The following SFRP1 variants were observed in gnomAD, a reference collection of about 807,000 sequenced individuals.
SFRP1 encodes the protein secreted frizzled-related protein 1.
SFRP1 carries 9 observed loss-of-function variants against 25.9 expected under a neutral mutation model. That is an observed-to-expected ratio of 0.35 (90% CI 0.21 to 0.61). The LOEUF (loss-of-function observed/expected upper bound fraction) is 0.61, where lower values mean the gene tolerates loss of function less well. Ranked by LOEUF, SFRP1 falls within the 20% of genes least tolerant of loss-of-function variation. The pLI is 0.78. For missense variants in SFRP1, 346 were observed against 418.2 expected, an observed-to-expected ratio of 0.83 and a Z score of 1.51; for synonymous variants, 178 against 174.0, an observed-to-expected ratio of 1.02 and a Z score of -0.18.
chr8:41,265,042 A>G lies in SFRP1; in HGVS notation c.*125T>C. On this transcript the variant is annotated 3_prime_UTR_variant, in exon 3 of 3. Coordinates refer to ENST00000220772, the MANE Select transcript of SFRP1 (RefSeq NM_003012.5). ...GCGGGAATGCTGCAAGAACAAGCCG[A>G]CTGGATTACAATGTCCACTACTGAC... is the stretch of plus-strand genomic sequence containing the variant. 1.5e-6 allele frequency: 1 copy of G among 675,240 alleles called. No individual in the cohort carries two copies. Among genetic ancestry groups the G allele is most frequent in the Non-Finnish European group, 2.5e-6 (1 of 404,144 alleles). The allele number at this position is 675,240 out of a possible 1,614,324, so 41.8% of individuals were successfully genotyped here. A position where few individuals can be genotyped will look rare whatever the true frequency, so the allele number is the denominator to read the frequency against.
Position 41,265,112 on chromosome 8 carries a change from T to TCCCCCCCCCAC in SFRP1, c.*54_*55insGTGGGGGGGGG. ...GACCCACCGGGTTCCCGGGGCACTG[T>TCCCCCCCCCAC]CCCCCCCGCTCCCACCCCACCCGAG... On this transcript the variant is annotated 3_prime_UTR_variant, in exon 3 of 3. Transcript: ENST00000220772. The TCCCCCCCCCAC allele has an allele frequency of 1.9e-6, 1 of 517,774 alleles. No homozygotes were observed. The allele number at this position is 517,774 out of a possible 1,614,324, so 32.1% of individuals were successfully genotyped here. A position where few individuals can be genotyped will look rare whatever the true frequency, so the allele number is the denominator to read the frequency against.
At chr8:41,297,112 T>C (rs1400717428) in intron 2 of SFRP1, among the ~76,000 whole-genome samples, 1 of 152,206 alleles carries the variant, frequency 6.6e-6, no homozygotes, top group Admixed American at 6.5e-5. Flanking sequence ...CAGCGCAATC[T>C]CAGCTCACTG....
intron 2 of SFRP1, chr8:41,275,217 T>C: frequency 2.2e-6 from 1 of 450,440 alleles, no homozygotes; most frequent in South Asian, 1.6e-5. Context: ...TACCCAGAGC[T>C]TTATGATTCA....
intron 2 of SFRP1, among the ~76,000 whole-genome samples, chr8:41,302,870 G>C (rs1803942469): frequency 6.6e-6 from 1 of 151,202 alleles, no homozygotes; most frequent in Non-Finnish European, 1.5e-5. Context: ...AGAGTGACTT[G>C]GGAAGAAGAG....
intron 2 of SFRP1, among the ~76,000 whole-genome samples, chr8:41,267,652 T>A (rs775369523): frequency 2.6e-5 from 4 of 152,230 alleles, no homozygotes; most frequent in African/African-American, 4.8e-5. Flanking sequence ...TCCGTGCATT[T>A]CCTCAGTTAA....
At chr8:41,306,924 C>T in intron 1 of SFRP1, 2 of 1,562,530 alleles carry the variant, frequency 1.3e-6, no homozygotes, top group Admixed American at 1.8e-5. Context: ...GTCCAATCCC[C>T]CCATGTTCCC....
chr8:41,277,079 C>G (rs1803580610), intron 2 of SFRP1: 3 of 455,034 alleles, frequency 6.6e-6, no homozygotes, highest in African/African-American at 4.0e-5. Context: ...ACTCTGAGAG[C>G]AAAGTGCTGC....
rs573897952 is a variant in SFRP1, at chr8:41,273,791, C to CGT, written c.623-8304_623-8303dup. Among the ~76,000 whole-genome samples the CGT allele has an allele frequency of 7.9e-5, 12 of 152,180 alleles. No homozygotes were observed. In the South Asian group the frequency reaches 2.5e-3, roughly 32 times the overall value. On this transcript the variant is annotated intron_variant, in intron 2 of 2. Transcript: ENST00000220772. ...TGAGGGATGCTGAGAAGGCTGGAAA[C>CGT]GTGTGTGTGTCCAAGAGGGTGTTTC...
At chr8:41,278,052 G>T (rs1308082641) in intron 2 of SFRP1, among the ~76,000 whole-genome samples, 1 of 152,160 alleles carries the variant, frequency 6.6e-6, no homozygotes, top group East Asian at 1.9e-4. Context: ...ATTCACAGTG[G>T]TATCTTTTAA....
At chr8:41,271,845 T>C (rs1391467852) in intron 2 of SFRP1, among the ~76,000 whole-genome samples, 1 of 151,360 alleles carries the variant, frequency 6.6e-6, no homozygotes, top group Non-Finnish European at 1.5e-5. Context: ...ATGCCTGTAG[T>C]CCCAGCTACT....
intron 2 of SFRP1, among the ~76,000 whole-genome samples, chr8:41,281,493 T>G (rs920844236): frequency 9.2e-5 from 14 of 152,312 alleles, no homozygotes; most frequent in South Asian, 4.1e-4. Flanking sequence ...GTTAAGCCCA[T>G]GGCTGCCATC....
At chr8:41,281,897 G>A (rs1338414787) in intron 2 of SFRP1, among the ~76,000 whole-genome samples, 1 of 152,162 alleles carries the variant, frequency 6.6e-6, no homozygotes, top group Non-Finnish European at 1.5e-5. Context: ...CACCTCTGGC[G>A]AATGCATATG....
chr8:41,294,590 G>T (rs1803817349), intron 2 of SFRP1, among the ~76,000 whole-genome samples: 1 of 152,136 alleles, frequency 6.6e-6, no homozygotes. Context: ...ATTTGTAAAT[G>T]ATGTCCCTTA....
chr8:41,267,420 G>A (rs914235126), intron 2 of SFRP1, among the ~76,000 whole-genome samples: 4 of 152,304 alleles, frequency 2.6e-5, no homozygotes, highest in Non-Finnish European at 5.9e-5. Flanking sequence ...TGGTCAGCCC[G>A]AGATATTCCC....
At chr8:41,296,855 T>C (rs1262646446) in intron 2 of SFRP1, among the ~76,000 whole-genome samples, 1 of 152,170 alleles carries the variant, frequency 6.6e-6, no homozygotes, top group African/African-American at 2.4e-5. Flanking sequence ...CACCAGGCAG[T>C]CACAGCTCCC....
intron 2 of SFRP1, among the ~76,000 whole-genome samples, chr8:41,282,475 T>C (rs1398028231): frequency 2.0e-5 from 3 of 151,778 alleles, no homozygotes; most frequent in Admixed American, 6.6e-5. Context: ...ATTGTGTCAC[T>C]GCACTCCAGC....
At chr8:41,276,646 A>T (rs866122414) in intron 2 of SFRP1, among the ~76,000 whole-genome samples, 55 of 152,232 alleles carry the variant, frequency 3.6e-4, no homozygotes, top group African/African-American at 1.3e-3. Flanking sequence ...GAACAAAAAA[A>T]ACTAAACTAA....
intron 2 of SFRP1, among the ~76,000 whole-genome samples, chr8:41,297,181 T>G (rs1803854226): frequency 6.6e-6 from 1 of 152,102 alleles, no homozygotes; most frequent in Admixed American, 6.5e-5. Flanking sequence ...GTAGCTGGGA[T>G]TACAAGCGCC....
In SFRP1 at chr8:41,309,303, C is replaced by T. The variant is rs1386330128; in HGVS notation, c.-144G>A. The T allele has an allele frequency of 9.1e-6, 9 of 984,102 alleles. No homozygotes were observed. The African/African-American group carries it at 1.0e-4, about 11-fold the overall frequency. 61.0% of individuals were successfully genotyped at this position (984,102 alleles called of 1,614,324 possible). A position where few individuals can be genotyped will look rare whatever the true frequency, so the allele number is the denominator to read the frequency against. ...CCGGCTCCGCGGCCGCAAGCTGCTG[C>T]CCGGTCCCCCCGGCCAGTGGCGGCC... On this transcript the variant is annotated 5_prime_UTR_variant, in exon 1 of 3. Transcript: ENST00000220772.
Sources: gnomAD v4.1 joint callset for allele counts (sites outside exome capture counted in the v4.1 genomes callset) on GRCh38, gnomAD v4.1.1 for gene constraint, MANE v1.5 for transcripts, NCBI Gene and HGNC (gene_info 2026-07-23, HGNC 2026-07-21) for gene names.